Variants in KIF5C observed in about 807,000 individuals in gnomAD.
The protein encoded by KIF5C is kinesin family member 5C, also known as kinesin heavy chain isoform 5C.
A neutral mutation model predicts 125.2 loss-of-function variants in KIF5C; 18 were observed. The observed-to-expected ratio is 0.14, with a 90% CI of 0.10 to 0.21. The LOEUF (loss-of-function observed/expected upper bound fraction) is 0.21, where lower values mean the gene tolerates loss of function less well. KIF5C is among the 10% of genes least tolerant of loss of function. The pLI is 1.00. For synonymous variants in KIF5C, 405 were observed against 434.0 expected (o/e 0.93, Z 0.83); for missense variants, 780 against 1,183.8 (o/e 0.66, Z 5.01).
chr2:148,918,648 A>G (rs1177501177), intron 1 of KIF5C, among the ~76,000 whole-genome samples: 1 of 152,224 alleles, frequency 6.6e-6, no homozygotes, highest in Non-Finnish European at 1.5e-5. Context: ...GAACTGGGGA[A>G]TAAGCATCAT....
intron 25 of KIF5C, among the ~76,000 whole-genome samples, chr2:149,019,317 A>C (rs1682460289): frequency 6.6e-6 from 1 of 152,224 alleles, no homozygotes; most frequent in Admixed American, 6.5e-5. Context: ...TCTTAGAAGA[A>C]TACCTGGCAA....
intron 1 of KIF5C, among the ~76,000 whole-genome samples, chr2:148,907,958 G>C (rs1385547268): frequency 6.6e-6 from 1 of 152,198 alleles, no homozygotes; most frequent in African/African-American, 2.4e-5. Context: ...CTCCAGACTG[G>C]GAGCCCCTGC....
intron 1 of KIF5C, among the ~76,000 whole-genome samples, chr2:148,920,949 G>C (rs1266203888): frequency 6.6e-6 from 1 of 152,144 alleles, no homozygotes. Context: ...TGCTATGTGG[G>C]GAACATGAAG....
intron 1 of KIF5C, among the ~76,000 whole-genome samples, chr2:148,885,326 G>A (rs1255602190): frequency 6.6e-6 from 1 of 152,164 alleles, no homozygotes. Context: ...ACCAGTGCCA[G>A]TGTGTCAGGG....
At chr2:148,882,282 A>G (rs7582167) in intron 1 of KIF5C, among the ~76,000 whole-genome samples, 2,559 of 152,304 alleles carry the variant, frequency 0.017, 75 homozygotes, top group African/African-American at 0.058. Flanking sequence ...CACCCGTAAA[A>G]TAGAGATAAC....
intron 1 of KIF5C, among the ~76,000 whole-genome samples, chr2:148,908,627 A>G (rs961326895): frequency 9.2e-5 from 14 of 152,272 alleles, no homozygotes; most frequent in African/African-American, 3.4e-4. Context: ...CCATGGGGTC[A>G]TCCGAGGATT....
At chr2:148,979,375 CA>C (rs1430256584) in intron 13 of KIF5C, among the ~76,000 whole-genome samples, 1 of 152,140 alleles carries the variant, frequency 6.6e-6, no homozygotes, top group Non-Finnish European at 1.5e-5. Context: ...CTCCAGAGCT[CA>C]AATGATCTTC....
In KIF5C at chr2:148,941,881, A is replaced by G. The variant is rs1682414627; in HGVS notation, c.446-54A>G. On this transcript the variant is annotated intron_variant, in intron 5 of 25. Coordinates refer to ENST00000435030, the MANE Select transcript of KIF5C (RefSeq NM_004522.3). Reference sequence around the variant, plus strand: ...CAAACTTCCATTTTTCCTCCAATATAGAGTCTTTAACTTTTATTTTCTTCT... The same window carrying G: ...CAAACTTCCATTTTTCCTCCAATATGGAGTCTTTAACTTTTATTTTCTTCT... 3.8e-6 allele frequency: 6 copies of G among 1,586,428 alleles called. No individual in the cohort carries two copies. The South Asian group carries it at 4.7e-5, about 12-fold the overall frequency.
intron 17 of KIF5C, 149 bp downstream of exon 17, chr2:148,994,687 T>A: frequency 9.8e-7 from 1 of 1,023,352 alleles, no homozygotes; most frequent in Non-Finnish European, 1.3e-6. Context: ...AAAGGAGCGA[T>A]TTCTTTTCTT....
At chr2:148,973,738 G>A (rs1303519554) in intron 12 of KIF5C, among the ~76,000 whole-genome samples, 1 of 152,242 alleles carries the variant, frequency 6.6e-6, no homozygotes, top group Admixed American at 6.5e-5. Flanking sequence ...TAGATAGACA[G>A]GCGGGTGCTA....
At chr2:148,903,830 T>C (rs759512850) in intron 1 of KIF5C, among the ~76,000 whole-genome samples, 1 of 152,224 alleles carries the variant, frequency 6.6e-6, no homozygotes, top group African/African-American at 2.4e-5. Context: ...CTTGAGCACT[T>C]AACTAGAAGG....
At chr2:148,995,526 T>C (rs956946961) in intron 17 of KIF5C, among the ~76,000 whole-genome samples, 1 of 152,250 alleles carries the variant, frequency 6.6e-6, no homozygotes, top group Non-Finnish European at 1.5e-5. Flanking sequence ...TAAGAATGTA[T>C]GTGCCATGCA....
At chr2:148,925,925 T>G (rs1425293355) in intron 2 of KIF5C, among the ~76,000 whole-genome samples, 1 of 152,174 alleles carries the variant, frequency 6.6e-6, no homozygotes, top group Non-Finnish European at 1.5e-5. Context: ...CCAGCCGGCA[T>G]GCGGGCTGGC....
chr2:149,000,397 A>G lies in KIF5C; in HGVS notation c.2211-26A>G, dbSNP rs556622324. ...TCAGAATTTCAGACTGATGTGGAAT[A>G]TATTGCTTTTTCCTCTCAATTTCAG... On this transcript the variant is annotated intron_variant, in intron 19 of 25. Transcript: ENST00000435030. 30 of 1,554,908 alleles carry G rather than the reference A, an allele frequency of 1.9e-5. 1 individual carries two copies. The South Asian group carries it at 3.4e-4, about 18-fold the overall frequency.
chr2:148,898,170 G>A (rs976660607), intron 1 of KIF5C, among the ~76,000 whole-genome samples: 1 of 152,016 alleles, frequency 6.6e-6, no homozygotes, highest in Non-Finnish European at 1.5e-5. Flanking sequence ...AGTCCACATA[G>A]GAATGGAGAC....
At chr2:148,893,669 C>T (rs1681765375) in intron 1 of KIF5C, among the ~76,000 whole-genome samples, 1 of 152,186 alleles carries the variant, frequency 6.6e-6, no homozygotes, top group Non-Finnish European at 1.5e-5. Context: ...CCTCTCAGGT[C>T]AGGGTTTGCT....
chr2:148,994,172 TG>T (rs1451587195), intron 16 of KIF5C, among the ~76,000 whole-genome samples: 1 of 152,054 alleles, frequency 6.6e-6, no homozygotes, highest in Non-Finnish European at 1.5e-5. Context: ...GTTAACTGGA[TG>T]GTGAGGAGGG....
chr2:148,978,334 GTTTTTTTTTTTTTT>G (rs71406035), intron 12 of KIF5C, among the ~76,000 whole-genome samples: 2 of 78,636 alleles, frequency 2.5e-5, no homozygotes, highest in Non-Finnish European at 4.6e-5. Flanking sequence ...CTGCCCTGAG[GTTTTTTTTTTTTTT>G]TTTTTTTTTT....
intron 11 of KIF5C, among the ~76,000 whole-genome samples, chr2:148,966,929 G>A (rs1680738788): frequency 6.6e-6 from 1 of 152,148 alleles, no homozygotes; most frequent in Non-Finnish European, 1.5e-5. Flanking sequence ...TGGACTTCTA[G>A]CCTCCAGAAC....
Sources: allele counts gnomAD v4.1 joint callset (sites outside exome capture counted in the v4.1 genomes callset), GRCh38; gene constraint gnomAD v4.1.1; transcripts MANE v1.5; gene names NCBI Gene and HGNC (gene_info 2026-07-23, HGNC 2026-07-21).